ASF1A: variants seen among roughly 807,000 people sequenced by gnomAD.
The protein encoded by ASF1A is anti-silencing function 1A histone chaperone.
Under a neutral mutation model 22.0 loss-of-function variants are expected in ASF1A, and 5 were observed. The ratio of observed to expected loss-of-function variants is 0.23; its 90% confidence interval spans 0.12 to 0.48. The LOEUF (loss-of-function observed/expected upper bound fraction) is 0.48, where lower values mean the gene tolerates loss of function less well. Among genes scored for constraint, ASF1A ranks in the 20% least tolerant of loss-of-function variants. The pLI, the probability that ASF1A is intolerant of heterozygous loss-of-function variation, is 0.99. For missense variants in ASF1A, 137 were observed against 240.6 expected, an observed-to-expected ratio of 0.57 and a Z score of 2.85; for synonymous variants, 97 against 86.7, an observed-to-expected ratio of 1.12 and a Z score of -0.66.
chr6:118,906,417 T>C (rs931206776), intron 3 of ASF1A, among the ~76,000 whole-genome samples: 2 of 152,200 alleles, frequency 1.3e-5, no homozygotes, highest in African/African-American at 4.8e-5. Context: ...GCTTTCTTTA[T>C]AGCATTTCCC....
intron 1 of ASF1A, among the ~76,000 whole-genome samples, chr6:118,900,029 A>C (rs901077443): frequency 2.0e-5 from 3 of 152,234 alleles, no homozygotes; most frequent in Admixed American, 6.5e-5. Context: ...AAAATCCGCT[A>C]TATTGAATTA....
chr6:118,905,963 A>G, intron 3 of ASF1A, 135 bp downstream of exon 3: 1 of 600,706 alleles, frequency 1.7e-6, no homozygotes, highest in African/African-American at 1.9e-5. Flanking sequence ...CAACTGGGCA[A>G]ACTAATTATT....
At chr6:118,906,351 G>C (rs999889811) in intron 3 of ASF1A, among the ~76,000 whole-genome samples, 3 of 152,184 alleles carry the variant, frequency 2.0e-5, no homozygotes, top group African/African-American at 7.2e-5. Context: ...GGGATTACAG[G>C]TGTGAGCCAC....
chr6:118,900,945 A>G lies in ASF1A; in HGVS notation c.225+64A>G. ...TTCGAAGTAGACTATATTATCTATT[A>G]TCTTATAACCCTTATCCCTTTCCTT... On this transcript the variant is annotated intron_variant, in intron 2 of 3. Transcript: ENST00000229595. 2.6e-6 allele frequency: 3 copies of G among 1,135,658 alleles called. No homozygotes were observed. In the South Asian group the frequency reaches 3.7e-5, roughly 14 times the overall value. 70.3% of individuals were successfully genotyped at this position (1,135,658 alleles called of 1,614,324 possible).
In ASF1A at chr6:118,901,948, C is replaced by T. The variant is rs1323858992; in HGVS notation, c.225+1067C>T. 2.0e-5 allele frequency among the ~76,000 whole-genome samples: 3 copies of T among 152,154 alleles called. No homozygotes were observed. In the East Asian group the frequency reaches 5.8e-4, roughly 29 times the overall value. On this transcript the variant is annotated intron_variant, in intron 2 of 3. Coordinates refer to ENST00000229595, the MANE Select transcript of ASF1A (RefSeq NM_014034.3). ...AAAGAATCACTTAGACACATGCCATCTCTAGAGCTGCTACCTTTCCCTCCC... is the reference window on the plus strand; with the variant it reads ...AAAGAATCACTTAGACACATGCCATTTCTAGAGCTGCTACCTTTCCCTCCC...
rs115697045 is a variant in ASF1A, at chr6:118,907,691, T to C, written c.*77T>C. On this transcript the variant is annotated 3_prime_UTR_variant, in exon 4 of 4. Transcript: ENST00000229595. The stretch of plus-strand genomic sequence containing the variant: ...ATTTCCCTGAAATTCCGTAAGTACA[T>C]AGTCAAAACACAATGTGAAGAATTT... 1,537 of 1,121,652 alleles carry C rather than the reference T, an allele frequency of 1.4e-3. 15 individuals carry two copies. The highest frequency in any genetic ancestry group is 0.011 in the South Asian group (765 of 69,974). The allele number at this position is 1,121,652 out of a possible 1,614,324, so 69.5% of individuals were successfully genotyped here.
chr6:118,905,548 G>C, intron 2 of ASF1A, 104 bp from the exon 3 acceptor site: 1 of 817,234 alleles, frequency 1.2e-6, no homozygotes, highest in Non-Finnish European at 1.8e-6. Context: ...AGTTTTTCTT[G>C]TTGCATCCTC....
chr6:118,905,653 C>G lies in ASF1A; in HGVS notation c.227C>G (p.Ala76Gly), dbSNP rs1465131369. Residue 76 changes from alanine (A) to glycine (G), a missense_variant and splice_region_variant, in exon 3 of 4, where the codon GCT (alanine) becomes GGT (glycine). Ala to Gly is a moderately conservative substitution (Grantham distance 60, BLOSUM62 0). Transcript: ENST00000229595. Reference sequence around the variant, plus strand: ...TCTTTTCTTTTTAATTTATTCTAGGCTGATGCACCTAATCCAGGACTCATT... The same window carrying G: ...TCTTTTCTTTTTAATTTATTCTAGGGTGATGCACCTAATCCAGGACTCATT... Reference protein sequence around the residue: ...PAGRHMFVFQADAPNPGLIPD... With the variant: ...PAGRHMFVFQGDAPNPGLIPD... 6.2e-7 allele frequency: 1 copy of G among 1,604,982 alleles called. No homozygotes were observed. Among genetic ancestry groups the G allele is most frequent in the Non-Finnish European group, 8.5e-7 (1 of 1,175,552 alleles).
chr6:118,897,321 T>C (rs1779490987), intron 1 of ASF1A, among the ~76,000 whole-genome samples: 1 of 152,076 alleles, frequency 6.6e-6, no homozygotes, highest in Non-Finnish European at 1.5e-5. Flanking sequence ...TTAAGATAAT[T>C]TGGTTCTTTC....
intron 1 of ASF1A, among the ~76,000 whole-genome samples, chr6:118,898,604 G>C (rs185859478): frequency 1.5e-4 from 23 of 152,116 alleles, no homozygotes; most frequent in African/African-American, 5.5e-4. Flanking sequence ...TTTTAGTAGA[G>C]ATGGGGTTTC....
chr6:118,907,446 C>T lies in ASF1A; in HGVS notation c.447C>T (p.Phe149=), dbSNP rs1203309019. The T allele has an allele frequency of 1.9e-6, 3 of 1,611,352 alleles. No homozygotes were observed. In the Admixed American group the frequency reaches 5.0e-5, roughly 27 times the overall value. The change falls in exon 4 of 4, where the codon TTC becomes TTT. Residue 149 remains phenylalanine (F), a synonymous_variant. Transcript: ENST00000229595. ...CATCTAATCCCAGGGTCACAAGATT[C>T]CACATTAATTGGGAAGATAACACAG... The part of the protein sequence containing the change: ...ILASNPRVTR[F]HINWEDNTEK...
At chr6:118,895,625 A>G (rs1007125334) in intron 1 of ASF1A, among the ~76,000 whole-genome samples, 1 of 152,158 alleles carries the variant, frequency 6.6e-6, no homozygotes, top group Admixed American at 6.5e-5. Context: ...TCTTAAAAAT[A>G]CGTATTTTTA....
chr6:118,900,702 C>A, intron 1 of ASF1A, 64 bp from the exon 2 acceptor site: 2 of 1,179,010 alleles, frequency 1.7e-6, no homozygotes, highest in South Asian at 2.4e-5. Context: ...TTAAAAGGGT[C>A]TTTGATGTCA....
chr6:118,894,610 GTGTTCGGCGCCT>G, intron 1 of ASF1A, 88 bp downstream of exon 1: 1 of 1,178,994 alleles, frequency 8.5e-7, no homozygotes, highest in Non-Finnish European at 1.2e-6. Context: ...CTGGGCGGCT[GTGTTCGGCGCCT>G]GGCGGCCGCG....
intron 1 of ASF1A, among the ~76,000 whole-genome samples, chr6:118,900,075 C>T (rs1367293159): frequency 6.6e-6 from 1 of 152,150 alleles, no homozygotes; most frequent in Non-Finnish European, 1.5e-5. Flanking sequence ...AATGTCTTTT[C>T]CTCCTGCCTA....
intron 1 of ASF1A, among the ~76,000 whole-genome samples, chr6:118,895,278 C>T (rs1779310815): frequency 6.6e-6 from 1 of 152,028 alleles, no homozygotes. Flanking sequence ...CCGGGATGCG[C>T]CGGGATGCTG....
rs1373022471 is a variant in ASF1A, at chr6:118,907,880, A to G, written c.*266A>G. ...TATATATTATTTTCTTCTCCTTTAT[A>G]TGTAATGAAAGCACTTATAAAGAAA... On this transcript the variant is annotated 3_prime_UTR_variant, in exon 4 of 4. Transcript: ENST00000229595. 3 of 291,678 alleles carry G rather than the reference A, an allele frequency of 1.0e-5. No individual in the cohort carries two copies. Among genetic ancestry groups the G allele is most frequent in the Non-Finnish European group, 1.9e-5 (3 of 155,368 alleles). 18.1% of individuals were successfully genotyped at this position (291,678 alleles called of 1,614,324 possible).
chr6:118,901,282 T>C (rs1006953324), intron 2 of ASF1A, among the ~76,000 whole-genome samples: 7 of 152,222 alleles, frequency 4.6e-5, no homozygotes, highest in Admixed American at 3.3e-4. Flanking sequence ...AATATGCATC[T>C]TCAGTTTATG....
At chr6:118,898,435 T>C (rs948726665) in intron 1 of ASF1A, among the ~76,000 whole-genome samples, 1 of 151,774 alleles carries the variant, frequency 6.6e-6, no homozygotes, top group Non-Finnish European at 1.5e-5. Flanking sequence ...ATTTTTTTTT[T>C]TTTTTTTTGG....
Sources: allele counts gnomAD v4.1 joint callset (sites outside exome capture counted in the v4.1 genomes callset), GRCh38; gene constraint gnomAD v4.1.1; transcripts MANE v1.5; gene names NCBI Gene and HGNC (gene_info 2026-07-23, HGNC 2026-07-21).